Variants in CDK5RAP2 observed in about 807,000 individuals in gnomAD.
CDK5RAP2 encodes the protein CDK5 regulatory subunit-associated protein 2.
CDK5RAP2 carries 147 observed loss-of-function variants against 232.9 expected under a neutral mutation model. That is an observed-to-expected ratio of 0.63 (90% CI 0.55 to 0.72). CDK5RAP2 has a LOEUF of 0.72. CDK5RAP2 is among the 30% of genes least tolerant of loss of function. The pLI is 0.00. For missense variants in CDK5RAP2, 2,195 were observed against 2,231.5 expected, an observed-to-expected ratio of 0.98 and a Z score of 0.33; for synonymous variants, 833 against 833.7, an observed-to-expected ratio of 1.00 and a Z score of 0.01.
rs758330048 is a variant in CDK5RAP2, at chr9:120,422,760, T to A, written c.3956-19A>T. 1.2e-6 allele frequency: 2 copies of A among 1,604,280 alleles called. No homozygotes were observed. Among genetic ancestry groups the A allele is most frequent in the Admixed American group, 1.7e-5 (1 of 60,000 alleles). ...GATTTTCCTGGAAGCAGAAATAACA[T>A]CAAGAAAGGAGGAGAAAAAAATGTT... On this transcript the variant is annotated intron_variant, in intron 25 of 37. Transcript: ENST00000349780.
intron 11 of CDK5RAP2, among the ~76,000 whole-genome samples, chr9:120,524,457 A>G (rs2040809760): frequency 6.6e-6 from 1 of 152,158 alleles, no homozygotes; most frequent in African/African-American, 2.4e-5. Flanking sequence ...CCTGGCCAAC[A>G]TGGTGAAACC....
At chr9:120,496,768 C>T (rs1403085545) in intron 12 of CDK5RAP2, among the ~76,000 whole-genome samples, 2 of 134,712 alleles carry the variant, frequency 1.5e-5, no homozygotes, top group Non-Finnish European at 3.1e-5. Context: ...GCCAGCCGCC[C>T]CGTCCAGGAG....
At chr9:120,396,249 T>C (rs2032453078) in intron 35 of CDK5RAP2, among the ~76,000 whole-genome samples, 1 of 152,276 alleles carries the variant, frequency 6.6e-6, no homozygotes, top group Non-Finnish European at 1.5e-5. Flanking sequence ...AGGTTTGCTT[T>C]GATTCTTTTC....
intron 12 of CDK5RAP2, among the ~76,000 whole-genome samples, chr9:120,517,349 C>T (rs2040383844): frequency 1.3e-5 from 2 of 152,046 alleles, no homozygotes; most frequent in Non-Finnish European, 2.9e-5. Flanking sequence ...TCCTGGTGTC[C>T]CTATCAGCAG....
At chr9:120,579,405 A>C (rs933454947) in intron 1 of CDK5RAP2, among the ~76,000 whole-genome samples, 2 of 152,216 alleles carry the variant, frequency 1.3e-5, no homozygotes, top group African/African-American at 4.8e-5. Context: ...ACAGCTAGTC[A>C]GTTTACAGGG....
rs186810848 is a variant in CDK5RAP2, at chr9:120,536,210, T to C, written c.662+162A>G. Among the ~76,000 whole-genome samples, 165 of 152,350 alleles carry C rather than the reference T, an allele frequency of 1.1e-3. 1 individual carries two copies. The highest frequency in any genetic ancestry group is 3.9e-3 in the African/African-American group (162 of 41,588). On this transcript the variant is annotated intron_variant, in intron 7 of 37. Coordinates refer to ENST00000349780, the MANE Select transcript of CDK5RAP2 (RefSeq NM_018249.6). ...TTTCTCTTCCTCCTGATTTTATCCC[T>C]AGTTTTCTATCTAACTGTGTTGGAC...
intron 35 of CDK5RAP2, among the ~76,000 whole-genome samples, chr9:120,399,207 T>C (rs893243568): frequency 1.3e-5 from 2 of 152,206 alleles, no homozygotes; most frequent in Non-Finnish European, 2.9e-5. Flanking sequence ...TTTTTTTGTG[T>C]GTATATATAT....
intron 32 of CDK5RAP2, among the ~76,000 whole-genome samples, chr9:120,404,950 T>C (rs1281718983): frequency 2.0e-5 from 3 of 152,202 alleles, no homozygotes; most frequent in Admixed American, 6.5e-5. Flanking sequence ...TCAGATTTCA[T>C]GGAAGGGGAG....
intron 3 of CDK5RAP2, among the ~76,000 whole-genome samples, chr9:120,565,329 A>T (rs1200350776): frequency 6.6e-6 from 1 of 152,070 alleles, no homozygotes; most frequent in Non-Finnish European, 1.5e-5. Context: ...CTTTGGGCCC[A>T]CAACACCACA....
chr9:120,548,911 C>T (rs1172327706), intron 4 of CDK5RAP2, among the ~76,000 whole-genome samples: 1 of 152,234 alleles, frequency 6.6e-6, no homozygotes, highest in East Asian at 1.9e-4. Flanking sequence ...AATCCAAGCA[C>T]TTTGGGAGGC....
intron 3 of CDK5RAP2, among the ~76,000 whole-genome samples, chr9:120,567,047 T>C (rs1326491817): frequency 6.6e-6 from 1 of 152,230 alleles, no homozygotes; most frequent in Admixed American, 6.5e-5. Context: ...GCACTTAAAG[T>C]ACCCAGCTCA....
chr9:120,574,458 G>C (rs904766468), intron 1 of CDK5RAP2, among the ~76,000 whole-genome samples: 10 of 152,204 alleles, frequency 6.6e-5, no homozygotes, highest in African/African-American at 2.4e-4. Context: ...CCCAGAAATG[G>C]GTTAGGAACT....
chr9:120,572,779 T>G (rs539083525), intron 1 of CDK5RAP2, among the ~76,000 whole-genome samples: 20 of 152,334 alleles, frequency 1.3e-4, no homozygotes, highest in South Asian at 8.3e-4. Flanking sequence ...TAACTGGCAA[T>G]TAAACAAGAT....
chr9:120,459,856 G>A (rs2036983536), intron 19 of CDK5RAP2, among the ~76,000 whole-genome samples: 1 of 152,112 alleles, frequency 6.6e-6, no homozygotes, highest in Admixed American at 6.5e-5. Context: ...ACACCCTGAA[G>A]GCCAAAAATG....
chr9:120,472,330 G>A (rs2037757842), intron 15 of CDK5RAP2, among the ~76,000 whole-genome samples: 1 of 152,170 alleles, frequency 6.6e-6, no homozygotes, highest in Non-Finnish European at 1.5e-5. Context: ...GCGTTAACTA[G>A]GTGAAAATAA....
chr9:120,460,526 A>G lies in CDK5RAP2; in HGVS notation c.2202+46T>C. On this transcript the variant is annotated intron_variant, in intron 19 of 37. Coordinates refer to ENST00000349780, the MANE Select transcript of CDK5RAP2 (RefSeq NM_018249.6). ...TCCAGACTCGAAGACTGATTTGGAC[A>G]TAGAGTGGAGTAGATGAAATAAGGA... 3 of 1,563,474 alleles carry G rather than the reference A, an allele frequency of 1.9e-6. No individual in the cohort carries two copies. The South Asian group carries it at 3.3e-5, about 17-fold the overall frequency.
At chr9:120,552,813 T>C (rs2042093877) in intron 3 of CDK5RAP2, among the ~76,000 whole-genome samples, 1 of 151,332 alleles carries the variant, frequency 6.6e-6, no homozygotes, top group Non-Finnish European at 1.5e-5. Context: ...CTGCACATTG[T>C]GCACATGTAC....
At chr9:120,546,635 G>GT (rs1263609762) in intron 4 of CDK5RAP2, among the ~76,000 whole-genome samples, 1 of 151,690 alleles carries the variant, frequency 6.6e-6, no homozygotes, top group Non-Finnish European at 1.5e-5. Context: ...TTGTTTTTTT[G>GT]TTTTTTTATT....
chr9:120,510,332 C>T (rs1353427261), intron 12 of CDK5RAP2, among the ~76,000 whole-genome samples: 1 of 152,176 alleles, frequency 6.6e-6, no homozygotes, highest in Non-Finnish European at 1.5e-5. Flanking sequence ...CTGAAGCACA[C>T]ACTTGTCAGG....
Sources: allele counts gnomAD v4.1 joint callset (sites outside exome capture counted in the v4.1 genomes callset), GRCh38; gene constraint gnomAD v4.1.1; transcripts MANE v1.5; gene names NCBI Gene and HGNC (gene_info 2026-07-23, HGNC 2026-07-21).